Variants in LRRC40 observed in about 807,000 individuals in gnomAD.
LRRC40 encodes the protein leucine-rich repeat-containing protein 40.
In LRRC40, 76 loss-of-function variants were observed where a neutral mutation model predicts 72.8. That is an observed-to-expected ratio of 1.04 (90% CI 0.87 to 1.26). LRRC40 has a LOEUF of 1.26. Ranked by LOEUF, LRRC40 falls within the 50% of genes most tolerant of loss-of-function variation. The pLI is 0.00. For missense variants in LRRC40, 684 were observed against 698.9 expected (o/e 0.98, Z 0.24); for synonymous variants, 243 against 254.2 (o/e 0.96, Z 0.42).
intron 4 of LRRC40, among the ~76,000 whole-genome samples, chr1:70,183,854 C>G (rs1000651635): frequency 3.3e-5 from 5 of 152,116 alleles, no homozygotes; most frequent in African/African-American, 1.2e-4. Flanking sequence ...ACACCTAGCT[C>G]CAAATTTCCT....
At position 70,189,250 on chromosome 1, in the gene LRRC40, T is replaced by G. The variant is rs1253388846; in HGVS notation, c.175A>C (p.Asn59His). 1 of 1,610,864 alleles carries G rather than the reference T, an allele frequency of 6.2e-7. No individual in the cohort carries two copies. The highest frequency in any genetic ancestry group is 8.5e-7 in the Non-Finnish European group (1 of 1,179,432). Reference sequence around the variant, plus strand: ...TTAGCTTCCTCAGGGATATCCACATTTATTCTCCAGACACACTGCGGCACT... The same window carrying G: ...TTAGCTTCCTCAGGGATATCCACATGTATTCTCCAGACACACTGCGGCACT... The part of the protein sequence containing the change: ...SEVPQCVWRI[N>H]VDIPEEANQN... Residue 59 changes from asparagine to histidine, a missense_variant, in exon 2 of 15, where the codon AAT (asparagine) becomes CAT (histidine). Physicochemically the swap from Asn to His is moderately conservative, Grantham distance 68. Transcript: ENST00000370952.
chr1:70,195,048 A>G (rs1032015608), intron 1 of LRRC40, among the ~76,000 whole-genome samples: 5 of 152,178 alleles, frequency 3.3e-5, no homozygotes, highest in African/African-American at 1.2e-4. Flanking sequence ...ACCTTGTGAC[A>G]CACTCAAAAA....
chr1:70,165,613 C>T (rs894651069), intron 9 of LRRC40, among the ~76,000 whole-genome samples: 1 of 151,918 alleles, frequency 6.6e-6, no homozygotes, highest in Non-Finnish European at 1.5e-5. Flanking sequence ...TTCACCAATC[C>T]CTTTTCTACC....
chr1:70,185,513 C>T (rs1668341379), intron 3 of LRRC40, among the ~76,000 whole-genome samples: 1 of 152,144 alleles, frequency 6.6e-6, no homozygotes, highest in Non-Finnish European at 1.5e-5. Context: ...CTGAGGCATC[C>T]CCAGCCATGT....
At chr1:70,200,810 A>G (rs1668720833) in intron 1 of LRRC40, among the ~76,000 whole-genome samples, 1 of 152,190 alleles carries the variant, frequency 6.6e-6, no homozygotes, top group Non-Finnish European at 1.5e-5. Flanking sequence ...ATAGAGAGAG[A>G]GAAAAAAAGA....
chr1:70,159,200 A>C, intron 10 of LRRC40, 130 bp downstream of exon 10: 2 of 405,936 alleles, frequency 4.9e-6, no homozygotes, highest in Non-Finnish European at 8.9e-6. Flanking sequence ...TGGTAGCTCA[A>C]GCCTATAATC....
chr1:70,177,485 T>A (rs1214020153), intron 6 of LRRC40, among the ~76,000 whole-genome samples: 4 of 152,200 alleles, frequency 2.6e-5, no homozygotes, highest in Non-Finnish European at 4.4e-5. Flanking sequence ...GTAAATTGCA[T>A]GTCACAGTAA....
At chr1:70,185,676 T>C (rs966757064) in intron 3 of LRRC40, among the ~76,000 whole-genome samples, 3 of 152,178 alleles carry the variant, frequency 2.0e-5, no homozygotes, top group Admixed American at 6.5e-5. Flanking sequence ...TTACATCTTA[T>C]ATGTTCGGTT....
chr1:70,164,391 A>C (rs977105801), intron 9 of LRRC40, among the ~76,000 whole-genome samples: 1 of 152,072 alleles, frequency 6.6e-6, no homozygotes, highest in African/African-American at 2.4e-5. Flanking sequence ...ACTCCATATC[A>C]AAAGAAAAAA....
rs1359157293 is a variant in LRRC40 at position 70,178,889 on chromosome 1, G to A, written c.766C>T (p.Arg256Cys). ...CAAGAAGGAAATTCTGGTAGAAAACGTAATTTATTCCTCCGCAAATAAAGC... is the reference window on the plus strand; with the variant it reads ...CAAGAAGGAAATTCTGGTAGAAAACATAATTTATTCCTCCGCAAATAAAGC... ...ELLYLRRNKL[R>C]FLPEFPSCSL... The change falls in exon 6 of 15, where the codon CGT becomes TGT. Residue 256 changes from arginine to cysteine, a missense_variant. Coordinates refer to ENST00000370952, the MANE Select transcript of LRRC40 (RefSeq NM_017768.5). 6 of 1,596,050 alleles carry A rather than the reference G, an allele frequency of 3.8e-6. No homozygotes were observed. The highest frequency in any genetic ancestry group is 5.1e-6 in the Non-Finnish European group (6 of 1,167,394).
chr1:70,162,358 G>A (rs1667784471), intron 9 of LRRC40, among the ~76,000 whole-genome samples: 1 of 152,058 alleles, frequency 6.6e-6, no homozygotes, highest in African/African-American at 2.4e-5. Context: ...AGGGACAGAG[G>A]CATAAAATGC....
In LRRC40 at chr1:70,164,629, C is replaced by T. The variant is rs183065881; in HGVS notation, c.1112-5191G>A. Among the ~76,000 whole-genome samples, 599 of 152,260 alleles carry T rather than the reference C, an allele frequency of 3.9e-3. 6 individuals are homozygous for T. The highest frequency in any genetic ancestry group is 0.031 in the South Asian group (150 of 4,818). On this transcript the variant is annotated intron_variant, in intron 9 of 14. Transcript: ENST00000370952. ...ATCATCACCACTGGAACATATCTCC[C>T]GCCAATAAACTGGGGAGGCTTTAGA...
At chr1:70,205,031 A>G (rs1456880766) in intron 1 of LRRC40, among the ~76,000 whole-genome samples, 1 of 152,202 alleles carries the variant, frequency 6.6e-6, no homozygotes, top group Non-Finnish European at 1.5e-5. Flanking sequence ...TGAAGATTAC[A>G]ATAAGAGGAG....
chr1:70,145,925 T>C lies in LRRC40; in HGVS notation c.1704-20A>G. Reference sequence around the variant, plus strand: ...AATGTTCTAAACAAAAGAGAGAAATTGAGAATGTAAACATTTTCCATTAAC... The same window carrying C: ...AATGTTCTAAACAAAAGAGAGAAATCGAGAATGTAAACATTTTCCATTAAC... On this transcript the variant is annotated intron_variant, in intron 14 of 14. Transcript: ENST00000370952. 1 of 1,226,632 alleles carries C rather than the reference T, an allele frequency of 8.2e-7. No individual in the cohort carries two copies. Among genetic ancestry groups the C allele is most frequent in the Non-Finnish European group, 1.2e-6 (1 of 848,402 alleles). 76.0% of individuals were successfully genotyped at this position (1,226,632 alleles called of 1,614,324 possible).
intron 1 of LRRC40, among the ~76,000 whole-genome samples, chr1:70,198,158 T>C (rs1266278052): frequency 1.3e-5 from 2 of 152,164 alleles, no homozygotes; most frequent in African/African-American, 2.4e-5. Flanking sequence ...CATGATTAGG[T>C]GCCCTAGACC....
At chr1:70,196,515 A>C (rs968435658) in intron 1 of LRRC40, among the ~76,000 whole-genome samples, 1 of 152,314 alleles carries the variant, frequency 6.6e-6, no homozygotes, top group Non-Finnish European at 1.5e-5. Flanking sequence ...GTGCCACTGC[A>C]TGCTAGCCTG....
At chr1:70,170,131 A>G (rs1413651055) in intron 9 of LRRC40, among the ~76,000 whole-genome samples, 2 of 152,222 alleles carry the variant, frequency 1.3e-5, no homozygotes, top group Non-Finnish European at 2.9e-5. Context: ...AATACAGCAT[A>G]TTAACAGAAT....
At chr1:70,149,959 C>T (rs905605622) in intron 13 of LRRC40, among the ~76,000 whole-genome samples, 1 of 152,022 alleles carries the variant, frequency 6.6e-6, no homozygotes, top group Non-Finnish European at 1.5e-5. Flanking sequence ...CTTGCTCTGT[C>T]GCCTAGGCTG....
chr1:70,172,017 T>C (rs1334633259), intron 9 of LRRC40, among the ~76,000 whole-genome samples: 1 of 152,162 alleles, frequency 6.6e-6, no homozygotes, highest in Non-Finnish European at 1.5e-5. Context: ...ATTTCCTATG[T>C]TGAAATCTAA....
Sources: allele counts gnomAD v4.1 joint callset (sites outside exome capture counted in the v4.1 genomes callset), GRCh38; gene constraint gnomAD v4.1.1; transcripts MANE v1.5; gene names NCBI Gene and HGNC (gene_info 2026-07-23, HGNC 2026-07-21).